VPS13A: variants seen among roughly 807,000 people sequenced by gnomAD.
VPS13A encodes the protein vacuolar protein sorting 13 homolog A.
A neutral mutation model predicts 390.9 loss-of-function variants in VPS13A; 264 were observed. The observed-to-expected ratio is 0.68, with a 90% CI of 0.61 to 0.75. The LOEUF is 0.75. Ranked by LOEUF, VPS13A falls within the 30% of genes least tolerant of loss-of-function variation. The pLI is 0.00. For synonymous variants in VPS13A, 1,231 were observed against 1,227.1 expected (o/e 1.00, Z -0.07); for missense variants, 3,409 against 3,733.9 (o/e 0.91, Z 2.27).
intron 25 of VPS13A, 144 bp from the exon 26 acceptor site, chr9:77,275,919 GTC>G (rs1440564002): frequency 1.2e-6 from 1 of 857,006 alleles, no homozygotes; most frequent in African/African-American, 1.7e-5. Flanking sequence ...TGTATTGTAT[GTC>G]TGTGTGGGTA....
chr9:77,302,043 C>T (rs537967074), intron 33 of VPS13A, among the ~76,000 whole-genome samples: 4 of 151,908 alleles, frequency 2.6e-5, no homozygotes, highest in South Asian at 2.1e-4. Flanking sequence ...ATGCAACCTC[C>T]GCCTCCTGGG....
intron 68 of VPS13A, among the ~76,000 whole-genome samples, chr9:77,388,383 A>G (rs1833775354): frequency 6.6e-6 from 1 of 152,200 alleles, no homozygotes; most frequent in Non-Finnish European, 1.5e-5. Context: ...ACTAATTAGA[A>G]TAATTTATGA....
In VPS13A at chr9:77,226,427, G is replaced by A. The variant is rs754798170; in HGVS notation, c.1225-39G>A. On this transcript the variant is annotated intron_variant, in intron 14 of 71. Transcript: ENST00000360280. ...ATATTTGTTTCAGTTGCTAAATAAAGGATAATGTGTCATTTATTTGAAAAT... is the reference window on the plus strand; with the variant it reads ...ATATTTGTTTCAGTTGCTAAATAAAAGATAATGTGTCATTTATTTGAAAAT... 4.5e-6 allele frequency: 7 copies of A among 1,562,626 alleles called. No individual in the cohort carries two copies. In the South Asian group the frequency reaches 7.8e-5, roughly 17 times the overall value.
chr9:77,321,485 T>C lies in VPS13A; in HGVS notation c.5575-6T>C. The C allele has an allele frequency of 6.2e-7, 1 of 1,613,290 alleles. No individual in the cohort carries two copies. The highest frequency in any genetic ancestry group is 1.3e-5 in the African/African-American group (1 of 75,032). ...CATTTTATTTAGCATAACTCTTTCT[T>C]ATTAGGCATTTACAGAAGCTGCCAC... On this transcript the variant is annotated splice_region_variant and splice_polypyrimidine_tract_variant and intron_variant, in intron 43 of 71. Coordinates refer to ENST00000360280, the MANE Select transcript of VPS13A (RefSeq NM_033305.3).
intron 19 of VPS13A, among the ~76,000 whole-genome samples, chr9:77,246,541 A>G (rs1394484065): frequency 2.0e-5 from 3 of 152,066 alleles, no homozygotes. Flanking sequence ...TTTAAGTCAA[A>G]TATCTTTCAT....
chr9:77,239,974 T>C (rs578233598), intron 19 of VPS13A, among the ~76,000 whole-genome samples: 2 of 149,930 alleles, frequency 1.3e-5, no homozygotes, highest in Admixed American at 6.7e-5. Context: ...TCTTGAACTT[T>C]ATATACCATC....
At chr9:77,187,760 G>A (rs771657954) in intron 1 of VPS13A, among the ~76,000 whole-genome samples, 50 of 152,024 alleles carry the variant, frequency 3.3e-4, no homozygotes, top group Admixed American at 6.6e-4. Flanking sequence ...GGTTTGTTGT[G>A]TGGGTTAATT....
intron 68 of VPS13A, among the ~76,000 whole-genome samples, chr9:77,399,738 T>C (rs953058118): frequency 5.9e-5 from 9 of 152,216 alleles, no homozygotes; most frequent in African/African-American, 2.2e-4. Flanking sequence ...GCTTAACTTC[T>C]GCCTCCACCA....
At chr9:77,271,706 A>G (rs1288922608) in intron 23 of VPS13A, among the ~76,000 whole-genome samples, 1 of 151,950 alleles carries the variant, frequency 6.6e-6, no homozygotes, top group Non-Finnish European at 1.5e-5. Context: ...AGGGCATTTT[A>G]GGGAATAGAA....
At chr9:77,344,080 G>T in intron 50 of VPS13A, 73 bp from the exon 51 acceptor site, 1 of 1,331,078 alleles carries the variant, frequency 7.5e-7, no homozygotes. Context: ...ATTCTGATGG[G>T]AATATTAAGA....
intron 1 of VPS13A, among the ~76,000 whole-genome samples, chr9:77,192,968 A>G (rs1824771991): frequency 6.6e-6 from 1 of 152,110 alleles, no homozygotes; most frequent in Non-Finnish European, 1.5e-5. Context: ...CCTCTCTTTC[A>G]GGGACAACAG....
At chr9:77,345,222 A>G in intron 52 of VPS13A, 80 bp downstream of exon 52, 1 of 1,474,070 alleles carries the variant, frequency 6.8e-7, no homozygotes. Context: ...TAATTTCTTA[A>G]GAGTATAAAC....
Position 77,386,699 on chromosome 9 carries a change from A to ATTT in VPS13A, c.9189+4622_9189+4624dup, listed in dbSNP as rs35125170. ...CCCTTAGAGATGAGATGTGCTCTTT[A>ATTT]TTTTTTTTTTTTAATTTTTTTTTTT... On this transcript the variant is annotated intron_variant, in intron 68 of 71. Transcript: ENST00000360280. 1.5e-3 allele frequency among the ~76,000 whole-genome samples: 214 copies of ATTT among 141,794 alleles called. 1 individual carries two copies. Among genetic ancestry groups the ATTT allele is most frequent in the African/African-American group, 5.4e-3 (207 of 38,254 alleles). The allele number at this position is 141,794 out of a possible 152,430, so 93.0% of individuals were successfully genotyped here.
At chr9:77,337,797 T>C (rs1416696967) in intron 47 of VPS13A, 5 of 348,604 alleles carry the variant, frequency 1.4e-5, no homozygotes, top group Non-Finnish European at 2.6e-5. Flanking sequence ...GATTGTATAC[T>C]TTGTGAAGTT....
At chr9:77,407,716 G>T (rs550647756) in intron 71 of VPS13A, 109 bp downstream of exon 71, 3 of 915,218 alleles carry the variant, frequency 3.3e-6, no homozygotes, top group Admixed American at 4.4e-5. Context: ...TTGTTTGTTT[G>T]TTTTGCTTTT....
In VPS13A at chr9:77,217,187, G is replaced by A. The variant is rs534188498; in HGVS notation, c.755-2767G>A. On this transcript the variant is annotated intron_variant, in intron 10 of 71. Coordinates refer to ENST00000360280, the MANE Select transcript of VPS13A (RefSeq NM_033305.3). ...TAGGGGAGTGAGAGAGTGAAATGACGAGGGCAGTATTCTCAAAGTATGGTT... is the reference window on the plus strand; with the variant it reads ...TAGGGGAGTGAGAGAGTGAAATGACAAGGGCAGTATTCTCAAAGTATGGTT... Among the ~76,000 whole-genome samples, 13 of 152,268 alleles carry A rather than the reference G, an allele frequency of 8.5e-5. No homozygotes were observed. The South Asian group carries it at 2.1e-3, about 24-fold the overall frequency.
rs149196880 is a variant in VPS13A, at chr9:77,329,336, A to G, written c.5992-2674A>G. Among the ~76,000 whole-genome samples, 929 of 152,310 alleles carry G rather than the reference A, an allele frequency of 6.1e-3. 14 individuals carry two copies. The highest frequency in any genetic ancestry group is 0.021 in the African/African-American group (872 of 41,572). On this transcript the variant is annotated intron_variant, in intron 45 of 71. Coordinates refer to ENST00000360280, the MANE Select transcript of VPS13A (RefSeq NM_033305.3). ...CTTGGCTGTTTGATGCAAGAGGCCTACCTTTTAGCCTATCTCTGGTTTTGA... is the reference window on the plus strand; with the variant it reads ...CTTGGCTGTTTGATGCAAGAGGCCTGCCTTTTAGCCTATCTCTGGTTTTGA...
At chr9:77,402,411 ATTTC>A (rs1199343082) in intron 68 of VPS13A, among the ~76,000 whole-genome samples, 5 of 151,978 alleles carry the variant, frequency 3.3e-5, no homozygotes, top group Non-Finnish European at 5.9e-5. Context: ...CCTCTTTTGG[ATTTC>A]TTTATGATTT....
At chr9:77,316,521 TTCTC>T in intron 39 of VPS13A, 115 bp downstream of exon 39, 2 of 843,280 alleles carry the variant, frequency 2.4e-6, no homozygotes. Flanking sequence ...TAAAATGTCT[TTCTC>T]TCTGCTTAGA....
Sources: allele counts gnomAD v4.1 joint callset (sites outside exome capture counted in the v4.1 genomes callset), GRCh38; gene constraint gnomAD v4.1.1; transcripts MANE v1.5; gene names NCBI Gene and HGNC (gene_info 2026-07-23, HGNC 2026-07-21).